The following UGT1A10 variants were observed in gnomAD, a reference collection of about 807,000 sequenced individuals.
UGT1A10 encodes the protein UDP-glucuronosyltransferase 1A10.
A neutral mutation model predicts 45.8 loss-of-function variants in UGT1A10; 49 were observed. That is an observed-to-expected ratio of 1.07 (90% CI 0.85 to 1.36). The LOEUF (loss-of-function observed/expected upper bound fraction) is 1.36, where lower values mean the gene tolerates loss of function less well. Ranked by LOEUF, UGT1A10 falls within the 40% of genes most tolerant of loss-of-function variation. UGT1A10 has a pLI of 0.00. For synonymous variants in UGT1A10, 284 were observed against 249.7 expected (o/e 1.14, Z -1.29); for missense variants, 745 against 668.6 (o/e 1.11, Z -1.26).
At chr2:233,650,063 TG>T (rs1468263019) in intron 1 of UGT1A10, among the ~76,000 whole-genome samples, 1 of 152,160 alleles carries the variant, frequency 6.6e-6, no homozygotes, top group Non-Finnish European at 1.5e-5. Flanking sequence ...CTCTGCCTCC[TG>T]GGTTCAAGCG....
chr2:233,764,444 A>G (rs1698561692), intron 1 of UGT1A10, among the ~76,000 whole-genome samples: 2 of 152,188 alleles, frequency 1.3e-5, no homozygotes, highest in African/African-American at 4.8e-5. Context: ...CTTTTGTGCC[A>G]TTTAAACTTT....
intron 4 of UGT1A10, 80 bp from the exon 5 acceptor site, chr2:233,772,181 TC>T: frequency 6.3e-7 from 1 of 1,588,120 alleles, no homozygotes; most frequent in Non-Finnish European, 8.6e-7. Context: ...CTGGTAGTCT[TC>T]TTAAGCAGCC....
At chr2:233,672,788 TG>T (rs767136813) in intron 1 of UGT1A10, 52 of 1,613,032 alleles carry the variant, frequency 3.2e-5, no homozygotes, top group Non-Finnish European at 3.1e-5. Flanking sequence ...CCGTTGCCTA[TG>T]GTAAGTTATC....
At chr2:233,695,729 A>G (rs1390591347) in intron 1 of UGT1A10, among the ~76,000 whole-genome samples, 2 of 152,158 alleles carry the variant, frequency 1.3e-5, no homozygotes, top group Admixed American at 1.3e-4. Context: ...AGTTACATTT[A>G]TGTTGCTGCA....
chr2:233,710,974 T>C (rs898828388), intron 1 of UGT1A10, among the ~76,000 whole-genome samples: 1 of 152,234 alleles, frequency 6.6e-6, no homozygotes, highest in African/African-American at 2.4e-5. Flanking sequence ...GAGGGGAATA[T>C]ACAATCATTC....
At chr2:233,681,716 T>C (rs1052249030) in intron 1 of UGT1A10, among the ~76,000 whole-genome samples, 2 of 152,200 alleles carry the variant, frequency 1.3e-5, no homozygotes, top group South Asian at 2.1e-4. Flanking sequence ...AAGGCAAAGA[T>C]GATGAGTTAC....
intron 1 of UGT1A10, among the ~76,000 whole-genome samples, chr2:233,649,731 AATG>A (rs2073693191): frequency 1.3e-5 from 2 of 152,216 alleles, no homozygotes; most frequent in Admixed American, 6.5e-5. Context: ...TCAAAACAAC[AATG>A]ATAAGCAGAT....
At chr2:233,727,703 C>T (rs944124074) in intron 1 of UGT1A10, among the ~76,000 whole-genome samples, 2 of 152,208 alleles carry the variant, frequency 1.3e-5, no homozygotes, top group Non-Finnish European at 2.9e-5. Context: ...CTGGACAGTT[C>T]CCAAAGCCCT....
intron 1 of UGT1A10, chr2:233,743,924 G>A: frequency 1.5e-6 from 2 of 1,361,192 alleles, no homozygotes; most frequent in East Asian, 4.6e-5. Flanking sequence ...CATGCTGGAT[G>A]GCCAGAACGG....
chr2:233,691,223 G>A, intron 1 of UGT1A10: 2 of 985,518 alleles, frequency 2.0e-6, no homozygotes, highest in South Asian at 4.7e-5. Context: ...AACCTTCCTG[G>A]AGTCTTATTG....
intron 1 of UGT1A10, chr2:233,721,915 C>A: frequency 2.4e-6 from 1 of 417,320 alleles, no homozygotes; most frequent in East Asian, 6.7e-5. Context: ...CACACTGCTT[C>A]CATAAAGTGA....
chr2:233,671,786 G>T, intron 1 of UGT1A10: 2 of 1,405,174 alleles, frequency 1.4e-6, no homozygotes, highest in East Asian at 2.5e-5. Context: ...GTTCTTTTGG[G>T]TAAATCATTG....
chr2:233,767,849 G>A lies in UGT1A10; in HGVS notation c.988G>A (p.Val330Ile). ...ADALGKIPQT[V>I]LWRYTGTRPS... ...GTTCTGCTCTTTTTGCCCCTCCCAG[G>A]TCCTGTGGCGGTACACTGGAACCCG... The change falls in exon 3 of 5, where the codon GTC becomes ATC. Residue 330 changes from valine (V) to isoleucine (I), a missense_variant and splice_region_variant. Transcript: ENST00000344644. The A allele has an allele frequency of 1.2e-6, 2 of 1,613,920 alleles. No homozygotes were observed. The highest frequency in any genetic ancestry group is 1.7e-6 in the Non-Finnish European group (2 of 1,180,010).
At chr2:233,766,543 C>T (rs1171060177) in intron 1 of UGT1A10, among the ~76,000 whole-genome samples, 8 of 152,170 alleles carry the variant, frequency 5.3e-5, no homozygotes, top group Admixed American at 5.2e-4. Flanking sequence ...AACAAAAATG[C>T]CTGTCCTCAC....
Position 233,638,557 on chromosome 2 carries a change from C to T in UGT1A10, c.855+1180C>T, listed in dbSNP as rs538576547. Among the ~76,000 whole-genome samples, 211 of 152,202 alleles carry T rather than the reference C, an allele frequency of 1.4e-3. 1 individual carries two copies. The highest frequency in any genetic ancestry group is 4.7e-3 in the African/African-American group (194 of 41,530). ...AGAGTAGCCAGTTTAAATAGGGATT[C>T]GGTTGCTTGTGACTGAAAAATCCTT... On this transcript the variant is annotated intron_variant, in intron 1 of 4. Coordinates refer to ENST00000344644, the MANE Select transcript of UGT1A10 (RefSeq NM_019075.4).
At chr2:233,693,353 ATTGT>A (rs1559346236) in intron 1 of UGT1A10, 1 of 1,614,132 alleles carries the variant, frequency 6.2e-7, no homozygotes, top group East Asian at 2.2e-5. Context: ...GAATAACATG[ATTGT>A]TATTGGCCTG....
At chr2:233,684,306 G>A (rs371001032) in intron 1 of UGT1A10, among the ~76,000 whole-genome samples, 7 of 152,274 alleles carry the variant, frequency 4.6e-5, no homozygotes, top group South Asian at 2.1e-4. Flanking sequence ...AAGACCAGGC[G>A]AGGAGATGCA....
intron 1 of UGT1A10, among the ~76,000 whole-genome samples, chr2:233,759,387 C>A (rs1697125901): frequency 6.6e-6 from 1 of 152,128 alleles, no homozygotes. Context: ...TCAGGATACT[C>A]AGAGTAACCG....
chr2:233,652,130 A>G (rs1327986178), intron 1 of UGT1A10, among the ~76,000 whole-genome samples: 1 of 152,114 alleles, frequency 6.6e-6, no homozygotes, highest in East Asian at 1.9e-4. Flanking sequence ...AGAACTGGGG[A>G]TGGGAGGTGA....
Sources: gnomAD v4.1 joint callset for allele counts (sites outside exome capture counted in the v4.1 genomes callset) on GRCh38, gnomAD v4.1.1 for gene constraint, MANE v1.5 for transcripts, NCBI Gene and HGNC (gene_info 2026-07-23, HGNC 2026-07-21) for gene names.